Variants in GPR89B observed in about 807,000 individuals in gnomAD.
GPR89B encodes the protein G protein-coupled receptor 89B.
GPR89B carries 25 observed loss-of-function variants against 52.4 expected under a neutral mutation model. That is an observed-to-expected ratio of 0.48 (90% CI 0.35 to 0.67). The LOEUF is 0.67. GPR89B is among the 30% of genes least tolerant of loss of function. The pLI, the probability that GPR89B is intolerant of heterozygous loss-of-function variation, is 0.01. For synonymous variants in GPR89B, 52 were observed against 151.2 expected, an observed-to-expected ratio of 0.34 and a Z score of 4.81; for missense variants, 146 against 450.2, an observed-to-expected ratio of 0.32 and a Z score of 6.11.
intron 12 of GPR89B, among the ~76,000 whole-genome samples, chr1:147,990,600 T>C (rs1658990801): frequency 6.6e-6 from 1 of 152,224 alleles, no homozygotes; most frequent in African/African-American, 2.4e-5. Context: ...TTTAAGTCTT[T>C]AATCCATCTT....
In GPR89B at chr1:147,964,205, A is replaced by C. The variant is rs1656860213; in HGVS notation, c.618-2349A>C. Among the ~76,000 whole-genome samples the C allele has an allele frequency of 2.6e-5, 4 of 151,126 alleles. 1 individual carries two copies. Among genetic ancestry groups the C allele is most frequent in the African/African-American group, 7.3e-5 (3 of 40,824 alleles). On this transcript the variant is annotated intron_variant, in intron 7 of 13. Coordinates refer to ENST00000314163, the MANE Select transcript of GPR89B (RefSeq NM_016334.5). ...ACATGGAATCTCTGTATTTTTTCTC[A>C]AAACTACATTATGAATCTACAATTA...
At chr1:147,997,469 C>T (rs1436029563), downstream of GPR89B, among the ~76,000 whole-genome samples, 11 of 152,026 alleles carry the variant, frequency 7.2e-5, no homozygotes, top group Admixed American at 2.6e-4. Flanking sequence ...GATCTACAGC[C>T]GCAGCCCCCC....
At chr1:147,989,658 A>C (rs1233304720) in intron 12 of GPR89B, among the ~76,000 whole-genome samples, 6 of 150,646 alleles carry the variant, frequency 4.0e-5, no homozygotes, top group Middle Eastern at 3.5e-3. Flanking sequence ...TTCAATTCCC[A>C]CCTATGAGTG....
At chr1:147,980,521 G>A (rs1184863441) in intron 10 of GPR89B, among the ~76,000 whole-genome samples, 28 of 130,490 alleles carry the variant, frequency 2.1e-4, no homozygotes, top group African/African-American at 6.6e-4. Flanking sequence ...AGAACCTGTA[G>A]AGACTGTTAT....
intron 7 of GPR89B, among the ~76,000 whole-genome samples, chr1:147,959,415 G>GA (rs1168380182): frequency 3.0e-3 from 454 of 152,104 alleles, no homozygotes; most frequent in Non-Finnish European, 5.3e-3. Context: ...ATAAAAACTG[G>GA]AAAAAATATT....
chr1:148,008,696 G>A, the GPR89B span, among the ~76,000 whole-genome samples: 1 of 152,132 alleles, frequency 6.6e-6, no homozygotes, highest in East Asian at 1.9e-4. Flanking sequence ...AGAACTTCTG[G>A]TACTTCCTGA....
chr1:147,971,444 C>T (rs1490330926), intron 10 of GPR89B, among the ~76,000 whole-genome samples: 2 of 150,774 alleles, frequency 1.3e-5, no homozygotes, highest in South Asian at 4.2e-4. Context: ...AGCCATCACA[C>T]CCGGCCTAGG....
At chr1:148,012,135 A>G in the GPR89B span, 1 of 152,108 alleles carries the variant, frequency 6.6e-6, no homozygotes, top group African/African-American at 2.4e-5. Flanking sequence ...TGGCCATACT[A>G]TGTTGGAACC....
intron 10 of GPR89B, among the ~76,000 whole-genome samples, chr1:147,977,628 G>A (rs1360423440): frequency 2.0e-5 from 3 of 150,870 alleles, no homozygotes; most frequent in Non-Finnish European, 2.9e-5. Flanking sequence ...ACCTGAATCA[G>A]CCGTAGGTTC....
chr1:147,937,176 G>T (rs1222805555), intron 2 of GPR89B, among the ~76,000 whole-genome samples: 2 of 151,366 alleles, frequency 1.3e-5, no homozygotes, highest in African/African-American at 4.9e-5. Flanking sequence ...TTACAGCTGG[G>T]CCTCCAGGAG....
intron 10 of GPR89B, among the ~76,000 whole-genome samples, chr1:147,975,715 C>CTCT: frequency 6.6e-6 from 1 of 152,100 alleles, no homozygotes; most frequent in African/African-American, 2.4e-5. Flanking sequence ...GGTTTGTTTG[C>CTCT]TCTTGGTTCT....
intron 10 of GPR89B, among the ~76,000 whole-genome samples, chr1:147,982,222 GCTAA>G: frequency 6.6e-6 from 1 of 150,936 alleles, no homozygotes; most frequent in Non-Finnish European, 1.5e-5. Flanking sequence ...ACCACTCCCG[GCTAA>G]CTTTTTTGTA....
At chr1:148,002,042 T>A in the GPR89B span, among the ~76,000 whole-genome samples, 1 of 151,322 alleles carries the variant, frequency 6.6e-6, no homozygotes, top group Admixed American at 6.6e-5. Flanking sequence ...ATGCTGCTTT[T>A]TTTTTTTTTT....
intron 10 of GPR89B, among the ~76,000 whole-genome samples, chr1:147,980,840 A>AAG (rs1658192367): frequency 1.3e-5 from 2 of 149,222 alleles, no homozygotes; most frequent in African/African-American, 5.0e-5. Context: ...AAAAAAAAAA[A>AAG]AAAAAAGAAA....
chr1:147,940,218 A>G (rs1390628878), intron 3 of GPR89B, among the ~76,000 whole-genome samples: 1 of 151,892 alleles, frequency 6.6e-6, no homozygotes, highest in East Asian at 1.9e-4. Flanking sequence ...CCTGGCTAAC[A>G]TGGTGAAACC....
At chr1:147,940,220 G>A (rs1405082205) in intron 3 of GPR89B, among the ~76,000 whole-genome samples, 2 of 151,850 alleles carry the variant, frequency 1.3e-5, no homozygotes, top group East Asian at 1.9e-4. Context: ...TGGCTAACAT[G>A]GTGAAACCCC....
the GPR89B span, among the ~76,000 whole-genome samples, chr1:148,017,329 A>T: frequency 1.3e-5 from 2 of 151,434 alleles, no homozygotes; most frequent in Non-Finnish European, 2.9e-5. Context: ...GGCGTGAGCC[A>T]TTGTGCCCGG....
intron 1 of GPR89B, among the ~76,000 whole-genome samples, chr1:147,934,590 A>G (rs1426440416): frequency 3.3e-5 from 5 of 152,210 alleles, no homozygotes; most frequent in African/African-American, 1.2e-4. Context: ...CAAAATGTGC[A>G]TACAATATCA....
chr1:147,937,601 G>T (rs1654196129), intron 2 of GPR89B, among the ~76,000 whole-genome samples: 1 of 152,076 alleles, frequency 6.6e-6, no homozygotes, highest in South Asian at 2.1e-4. Flanking sequence ...CTTCCCCAGG[G>T]TTATTCCTTG....
Sources: allele counts gnomAD v4.1 joint callset (sites outside exome capture counted in the v4.1 genomes callset), GRCh38; gene constraint gnomAD v4.1.1; transcripts MANE v1.5; gene names NCBI Gene and HGNC (gene_info 2026-07-23, HGNC 2026-07-21).